The following NDUFA7 variants were observed in gnomAD, a reference collection of about 807,000 sequenced individuals.
NDUFA7 encodes the protein NADH:ubiquinone oxidoreductase subunit A7, also known as NADH dehydrogenase [ubiquinone] 1 alpha subcomplex subunit 7.
Under a neutral mutation model 14.2 loss-of-function variants are expected in NDUFA7, and 18 were observed. That is an observed-to-expected ratio of 1.27 (90% CI 0.88 to 1.88). NDUFA7 has a LOEUF of 1.88. NDUFA7 is among the 40% of genes most tolerant of loss of function. NDUFA7 has a pLI of 0.00. For missense variants in NDUFA7, 172 were observed against 147.3 expected (o/e 1.17, Z -0.87); for synonymous variants, 75 against 62.1 (o/e 1.21, Z -0.98).
chr19:8,319,932 ACCT>A (rs1000612325), intron 2 of NDUFA7, among the ~76,000 whole-genome samples: 5 of 151,516 alleles, frequency 3.3e-5, no homozygotes, highest in Admixed American at 1.3e-4. Flanking sequence ...TGCAATATCC[ACCT>A]CCTGTGTTCA....
chr19:8,311,375 A>G lies in NDUFA7; in HGVS notation c.*130T>C, dbSNP rs1025046885. ...GGAAACATGGTGAGACTCTGTCTCT[A>G]TTTTTTTATTTTTTAAAGTAAAACT... On this transcript the variant is annotated 3_prime_UTR_variant, in exon 4 of 4. Coordinates refer to ENST00000301457, the MANE Select transcript of NDUFA7 (RefSeq NM_005001.5). 15 of 732,184 alleles carry G rather than the reference A, an allele frequency of 2.0e-5. No homozygotes were observed. The African/African-American group carries it at 2.5e-4, about 12-fold the overall frequency. 45.4% of individuals were successfully genotyped at this position (732,184 alleles called of 1,614,324 possible).
chr19:8,314,569 C>T (rs774456021), intron 3 of NDUFA7, among the ~76,000 whole-genome samples: 12 of 151,992 alleles, frequency 7.9e-5, no homozygotes, highest in Non-Finnish European at 1.2e-4. Flanking sequence ...AGTTTGAGAA[C>T]GGCCTGGGCA....
chr19:8,315,627 C>T (rs1599630844), intron 3 of NDUFA7, among the ~76,000 whole-genome samples: 1 of 152,180 alleles, frequency 6.6e-6, no homozygotes, highest in African/African-American at 2.4e-5. Flanking sequence ...TCACACATCA[C>T]ACCCAATAAT....
rs755386066 is a variant in NDUFA7 at position 8,311,604 on chromosome 19, G to C, written c.252-9C>G. The stretch of plus-strand genomic sequence containing the variant: ...TGGCAGCTACAGCAGAGCTGGAGGA[G>C]GGAAAGACTTCAGTGAGGGTTTCCA... On this transcript the variant is annotated splice_polypyrimidine_tract_variant and intron_variant, in intron 3 of 3. Coordinates refer to ENST00000301457, the MANE Select transcript of NDUFA7 (RefSeq NM_005001.5). 8.1e-6 allele frequency: 13 copies of C among 1,609,700 alleles called. No individual in the cohort carries two copies. Among genetic ancestry groups the C allele is most frequent in the Non-Finnish European group, 1.1e-5 (13 of 1,177,538 alleles).
intron 2 of NDUFA7, among the ~76,000 whole-genome samples, chr19:8,318,948 G>A (rs773818541): frequency 4.7e-5 from 7 of 150,002 alleles, no homozygotes; most frequent in South Asian, 4.3e-4. Flanking sequence ...CCAGCTTGGC[G>A]ACAGAGTGAG....
chr19:8,309,549 C>T (rs1599627372), downstream of NDUFA7, among the ~76,000 whole-genome samples: 1 of 152,140 alleles, frequency 6.6e-6, no homozygotes, highest in Non-Finnish European at 1.5e-5. Flanking sequence ...GGGTCTTGCC[C>T]TCCTTGTGGC....
Position 8,320,850 on chromosome 19 carries a change from T to C in NDUFA7, c.101+7A>G, listed in dbSNP as rs1970295610. On this transcript the variant is annotated splice_region_variant and intron_variant, in intron 2 of 3. Transcript: ENST00000301457. ...CAGAGGCTGGGCAGCGAGCGGGGCC[T>C]GCTCACCGCTTGGAGATCTCCTGGT... The C allele has an allele frequency of 1.2e-6, 2 of 1,613,710 alleles. No individual in the cohort carries two copies. The highest frequency in any genetic ancestry group is 1.7e-6 in the Non-Finnish European group (2 of 1,179,988).
At position 8,321,342 on chromosome 19, in the gene NDUFA7, C is replaced by T. The variant is rs778780094; in HGVS notation, c.17G>A (p.Arg6His). Residue 6 changes from arginine (R) to histidine (H), a missense_variant, in exon 1 of 4, where the codon CGT becomes CAT. Physicochemically the swap from Arg to His is conservative, Grantham distance 29. Coordinates refer to ENST00000301457, the MANE Select transcript of NDUFA7 (RefSeq NM_005001.5). ...CCAGTTCCGCAGCCGCTGGATGAGACGGGTGGCGGACGCCATCTTCCGTCC... is the reference window on the plus strand; with the variant it reads ...CCAGTTCCGCAGCCGCTGGATGAGATGGGTGGCGGACGCCATCTTCCGTCC... MASAT[R>H]LIQRLRNWAS... The T allele has an allele frequency of 3.2e-6, 5 of 1,578,534 alleles. No homozygotes were observed. In the East Asian group the frequency reaches 6.9e-5, roughly 22 times the overall value.
chr19:8,318,144 G>A (rs1349542263), intron 2 of NDUFA7, among the ~76,000 whole-genome samples: 1 of 151,978 alleles, frequency 6.6e-6, no homozygotes, highest in Admixed American at 6.6e-5. Flanking sequence ...GAGGCCAGGA[G>A]TGTTTTTTTT....
intron 3 of NDUFA7, among the ~76,000 whole-genome samples, chr19:8,315,264 C>T (rs770573625): frequency 1.1e-4 from 16 of 152,092 alleles, no homozygotes; most frequent in Non-Finnish European, 1.8e-4. Flanking sequence ...AGCCCGACAC[C>T]GGTAAAGGGT....
At chr19:8,319,861 T>C (rs115779779) in intron 2 of NDUFA7, among the ~76,000 whole-genome samples, 2,347 of 152,254 alleles carry the variant, frequency 0.015, 59 homozygotes, top group African/African-American at 0.055. Context: ...TTTTTATTTT[T>C]TTGAGACAGA....
chr19:8,321,073 G>T, intron 1 of NDUFA7, 167 bp from the exon 2 acceptor site: 1 of 881,984 alleles, frequency 1.1e-6, no homozygotes, highest in Non-Finnish European at 1.7e-6. Flanking sequence ...CAAAGCCAGA[G>T]TCCGGGCCCA....
chr19:8,320,926 G>A lies in NDUFA7; in HGVS notation c.52-20C>T. 1.9e-6 allele frequency: 3 copies of A among 1,613,718 alleles called. No homozygotes were observed. Among genetic ancestry groups the A allele is most frequent in the Non-Finnish European group, 2.5e-6 (3 of 1,179,990 alleles). On this transcript the variant is annotated intron_variant, in intron 1 of 3. Transcript: ENST00000301457. Reference sequence around the variant, plus strand: ...GTCATGCTGTGGGAAGAGGAGAGGAGAGGTCGGCCTGCAAGGCACCCCAGG... The same window carrying A: ...GTCATGCTGTGGGAAGAGGAGAGGAAAGGTCGGCCTGCAAGGCACCCCAGG...
At chr19:8,314,047 C>A (rs193012579) in intron 3 of NDUFA7, among the ~76,000 whole-genome samples, 2 of 152,328 alleles carry the variant, frequency 1.3e-5, no homozygotes, top group Admixed American at 1.3e-4. Context: ...CATGGCTGGG[C>A]ATGGTGGCTC....
chr19:8,311,669 C>T, intron 3 of NDUFA7, 74 bp from the exon 4 acceptor site: 1 of 1,316,694 alleles, frequency 7.6e-7, no homozygotes, highest in Non-Finnish European at 1.1e-6. Context: ...CCACACCTGC[C>T]CCGGGACAAA....
chr19:8,321,102 G>T, intron 1 of NDUFA7, 196 bp from the exon 2 acceptor site: 1 of 861,684 alleles, frequency 1.2e-6, no homozygotes, highest in Non-Finnish European at 1.8e-6. Flanking sequence ...AGGCTAAGAA[G>T]GTCGGGGACT....
At chr19:8,317,145 G>C (rs1231148250) in intron 2 of NDUFA7, among the ~76,000 whole-genome samples, 2 of 152,180 alleles carry the variant, frequency 1.3e-5, no homozygotes, top group African/African-American at 4.8e-5. Context: ...CAAGATCTCT[G>C]CATTTCCTGC....
Position 8,320,903 on chromosome 19 carries a change from C to T in NDUFA7, c.55G>A (p.Asp19Asn). 6.2e-7 allele frequency: 1 copy of T among 1,613,740 alleles called. No homozygotes were observed. The highest frequency in any genetic ancestry group is 8.5e-7 in the Non-Finnish European group (1 of 1,179,998). ...CGTAGCTGCAGCTTCCCCTGCAGGTCATGCTGTGGGAAGAGGAGAGGAGAG... is the reference window on the plus strand; with the variant it reads ...CGTAGCTGCAGCTTCCCCTGCAGGTTATGCTGTGGGAAGAGGAGAGGAGAG... ...QRLRNWASGHDLQGKLQLRYQ... is the reference protein window; with the variant it reads ...QRLRNWASGHNLQGKLQLRYQ... Residue 19 changes from aspartate to asparagine, a missense_variant, in exon 2 of 4, where the codon GAC becomes AAC. Transcript: ENST00000301457.
intron 3 of NDUFA7, among the ~76,000 whole-genome samples, chr19:8,314,403 A>C (rs553487970): frequency 8.8e-6 from 1 of 113,628 alleles, no homozygotes; most frequent in East Asian, 2.3e-4. Flanking sequence ...GGGACCCCGG[A>C]CTTCATCTGT....
Sources: gnomAD v4.1 joint callset for allele counts (sites outside exome capture counted in the v4.1 genomes callset) on GRCh38, gnomAD v4.1.1 for gene constraint, MANE v1.5 for transcripts, NCBI Gene and HGNC (gene_info 2026-07-23, HGNC 2026-07-21) for gene names.